TENM3: variants seen among roughly 807,000 people sequenced by gnomAD.
TENM3 encodes the protein teneurin-3.
In TENM3, 63 loss-of-function variants were observed where a neutral mutation model predicts 255.1. The ratio of observed to expected loss-of-function variants is 0.25; its 90% confidence interval spans 0.20 to 0.30. TENM3 has a LOEUF of 0.30. TENM3 is among the 10% of genes least tolerant of loss of function. TENM3 has a pLI of 1.00. For missense variants in TENM3, 2,929 were observed against 3,461.1 expected, an observed-to-expected ratio of 0.85 and a Z score of 3.86; for synonymous variants, 1,306 against 1,322.3, an observed-to-expected ratio of 0.99 and a Z score of 0.27.
the TENM3 span, among the ~76,000 whole-genome samples, chr4:181,836,077 C>T: frequency 3.5e-3 from 526 of 152,054 alleles, no homozygotes; most frequent in Non-Finnish European, 4.5e-3. Flanking sequence ...TGATGGACTG[C>T]GAGCTCCTTG....
At position 182,468,742 on chromosome 4, in the gene TENM3, T is replaced by A. The variant is rs139767991; in HGVS notation, c.511+121813T>A. Among the ~76,000 whole-genome samples, 31 of 151,912 alleles carry A rather than the reference T, an allele frequency of 2.0e-4. No individual in the cohort carries two copies. The East Asian group carries it at 5.4e-3, about 27-fold the overall frequency. On this transcript the variant is annotated intron_variant, in intron 3 of 27. Coordinates refer to ENST00000511685, the MANE Select transcript of TENM3 (RefSeq NM_001080477.4). Reference sequence around the variant, plus strand: ...TTTAGGAGACTTTCCTTCAATACTATGTTAGGCTCTGTACCCATAAGTTCT... The same window carrying A: ...TTTAGGAGACTTTCCTTCAATACTAAGTTAGGCTCTGTACCCATAAGTTCT...
chr4:182,210,035 G>A (rs752178103), intron 1 of TENM3, among the ~76,000 whole-genome samples: 44 of 152,170 alleles, frequency 2.9e-4, no homozygotes, highest in Admixed American at 9.8e-4. Context: ...TCCCTGTGCC[G>A]CATCCTCCGC....
intron 3 of TENM3, among the ~76,000 whole-genome samples, chr4:182,553,978 C>T (rs1580917855): frequency 6.6e-6 from 1 of 152,132 alleles, no homozygotes; most frequent in South Asian, 2.1e-4. Context: ...CAGTAATATA[C>T]TTAGGAAGGT....
At chr4:182,706,912 T>C (rs1470934017) in intron 12 of TENM3, among the ~76,000 whole-genome samples, 4 of 151,698 alleles carry the variant, frequency 2.6e-5, no homozygotes, top group East Asian at 1.9e-4. Flanking sequence ...CAAGCTGTGA[T>C]TGCACCAGCG....
At chr4:181,495,679 T>C in the TENM3 span, among the ~76,000 whole-genome samples, 3 of 152,082 alleles carry the variant, frequency 2.0e-5, no homozygotes, top group Non-Finnish European at 4.4e-5. Flanking sequence ...ATTATAGTCT[T>C]AGATTTTGTG....
the TENM3 span, among the ~76,000 whole-genome samples, chr4:181,786,916 C>T: frequency 6.6e-6 from 1 of 152,150 alleles, no homozygotes; most frequent in Non-Finnish European, 1.5e-5. Context: ...ATAACAAAAG[C>T]ACACGGGGAT....
At chr4:182,336,843 C>CTTTTTTT (rs34620762) in intron 2 of TENM3, among the ~76,000 whole-genome samples, 3 of 113,492 alleles carry the variant, frequency 2.6e-5, no homozygotes, top group East Asian at 2.5e-4. Flanking sequence ...TTATTCTTAG[C>CTTTTTTT]TTTTTTTTTT....
the TENM3 span, among the ~76,000 whole-genome samples, chr4:181,477,653 C>T: frequency 2.0e-5 from 3 of 151,998 alleles, no homozygotes; most frequent in Non-Finnish European, 4.4e-5. Context: ...GTTTTATATA[C>T]GTAAAATATT....
intron 4 of TENM3, among the ~76,000 whole-genome samples, chr4:182,623,834 G>A (rs969520338): frequency 2.7e-4 from 41 of 151,768 alleles, no homozygotes; most frequent in Admixed American, 1.3e-4. Context: ...GTTCCTATCC[G>A]CGAGACCCCT....
chr4:182,022,208 T>C, the TENM3 span, among the ~76,000 whole-genome samples: 3 of 151,938 alleles, frequency 2.0e-5, no homozygotes, highest in African/African-American at 7.2e-5. Flanking sequence ...CACCATGGAA[T>C]GCTATGCAGC....
the TENM3 span, among the ~76,000 whole-genome samples, chr4:181,734,249 C>CTATA: frequency 2.0e-5 from 3 of 151,312 alleles, no homozygotes; most frequent in African/African-American, 7.3e-5. Context: ...TAGGTAACAC[C>CTATA]TATATATATA....
the TENM3 span, among the ~76,000 whole-genome samples, chr4:181,756,504 C>T: frequency 2.0e-5 from 3 of 152,134 alleles, no homozygotes; most frequent in Non-Finnish European, 2.9e-5. Context: ...GCTATGTGCT[C>T]CAAGATGGCC....
intron 1 of TENM3, among the ~76,000 whole-genome samples, chr4:182,319,642 A>G (rs1762932490): frequency 2.0e-5 from 3 of 152,226 alleles, no homozygotes; most frequent in South Asian, 2.1e-4. Context: ...TCATCTTTCC[A>G]TTACTAGGTG....
chr4:181,768,633 A>G, the TENM3 span, among the ~76,000 whole-genome samples: 1 of 152,182 alleles, frequency 6.6e-6, no homozygotes, highest in Non-Finnish European at 1.5e-5. Flanking sequence ...ACCAGTGCCA[A>G]TTTATATGAC....
chr4:182,691,071 G>A (rs1756973456), intron 12 of TENM3, among the ~76,000 whole-genome samples: 1 of 152,204 alleles, frequency 6.6e-6, no homozygotes, highest in South Asian at 2.1e-4. Flanking sequence ...AGATCCAATT[G>A]CCTTTCCCCT....
the TENM3 span, among the ~76,000 whole-genome samples, chr4:181,763,419 C>A: frequency 1.3e-5 from 2 of 152,132 alleles, no homozygotes; most frequent in Non-Finnish European, 2.9e-5. Context: ...AAAACAATAA[C>A]CCCTGGACCA....
the TENM3 span, among the ~76,000 whole-genome samples, chr4:181,466,841 C>G: frequency 2.0e-5 from 3 of 151,780 alleles, no homozygotes; most frequent in African/African-American, 7.3e-5. Context: ...CATCTGAATT[C>G]TTTTTCTTGT....
At chr4:182,140,953 C>T (rs879822479), upstream of TENM3, among the ~76,000 whole-genome samples, 67 of 151,434 alleles carry the variant, frequency 4.4e-4, no homozygotes, top group South Asian at 1.0e-3. Context: ...TCTCCTCTTC[C>T]CCAAAATGAA....
chr4:182,267,064 A>G (rs1262993321), intron 1 of TENM3, among the ~76,000 whole-genome samples: 1 of 152,208 alleles, frequency 6.6e-6, no homozygotes, highest in Non-Finnish European at 1.5e-5. Flanking sequence ...AAACTCTCAT[A>G]GAAAACTAAA....
Sources: allele counts gnomAD v4.1 joint callset (sites outside exome capture counted in the v4.1 genomes callset), GRCh38; gene constraint gnomAD v4.1.1; transcripts MANE v1.5; gene names NCBI Gene and HGNC (gene_info 2026-07-23, HGNC 2026-07-21).